The following OSBPL6 variants were observed in gnomAD, a reference collection of about 807,000 sequenced individuals.
OSBPL6 encodes oxysterol binding protein like 6.
A neutral mutation model predicts 125.8 loss-of-function variants in OSBPL6; 49 were observed. The observed-to-expected ratio is 0.39, with a 90% CI of 0.31 to 0.49. The LOEUF is 0.49. Ranked by LOEUF, OSBPL6 falls within the 20% of genes least tolerant of loss-of-function variation. The pLI is 0.88. For synonymous variants in OSBPL6, 394 were observed against 391.8 expected (o/e 1.01, Z -0.07); for missense variants, 986 against 1,135.4 (o/e 0.87, Z 1.89).
At chr2:178,232,714 T>C (rs1262040416) in intron 1 of OSBPL6, among the ~76,000 whole-genome samples, 1 of 141,252 alleles carries the variant, frequency 7.1e-6, no homozygotes, top group Non-Finnish European at 1.5e-5. Context: ...TCACATGCTG[T>C]TTTTTTTTTT....
Position 178,306,052 on chromosome 2 carries a change from T to C in OSBPL6, c.-133T>C. On this transcript the variant is annotated 5_prime_UTR_variant, in exon 3 of 25. Coordinates refer to ENST00000190611, the MANE Select transcript of OSBPL6 (RefSeq NM_032523.4). ...TAGGTGGTTTGGACACCCTCAATAT[T>C]GCCTGCTCTTTTCTAGTCAAACCTG... The C allele has an allele frequency of 1.6e-6, 1 of 622,512 alleles. No individual in the cohort carries two copies. The allele number at this position is 622,512 out of a possible 1,614,324, so 38.6% of individuals were successfully genotyped here.
intron 1 of OSBPL6, among the ~76,000 whole-genome samples, chr2:178,244,960 T>C (rs570226867): frequency 6.6e-6 from 1 of 152,334 alleles, no homozygotes; most frequent in South Asian, 2.1e-4. Flanking sequence ...TTTGATTGAA[T>C]GGTAAGTGAG....
At chr2:178,256,753 G>C (rs2091899161) in intron 1 of OSBPL6, among the ~76,000 whole-genome samples, 1 of 152,078 alleles carries the variant, frequency 6.6e-6, no homozygotes, top group Non-Finnish European at 1.5e-5. Context: ...TTTCTTATAA[G>C]TATGTTTTTG....
chr2:178,257,998 C>T (rs1285686416), intron 1 of OSBPL6, among the ~76,000 whole-genome samples: 2 of 151,838 alleles, frequency 1.3e-5, no homozygotes, highest in Non-Finnish European at 2.9e-5. Flanking sequence ...CCTATGTTGC[C>T]CAAACTGGTC....
At chr2:178,369,139 T>C (rs539846431) in intron 13 of OSBPL6, among the ~76,000 whole-genome samples, 1 of 152,312 alleles carries the variant, frequency 6.6e-6, no homozygotes. Flanking sequence ...TTATCTCTTT[T>C]GCTCCCATGC....
intron 2 of OSBPL6, among the ~76,000 whole-genome samples, chr2:178,285,907 A>G (rs1684658102): frequency 6.6e-6 from 1 of 152,162 alleles, no homozygotes; most frequent in East Asian, 1.9e-4. Context: ...GACATATATG[A>G]TTTGGGAAAG....
intron 1 of OSBPL6, among the ~76,000 whole-genome samples, chr2:178,280,989 T>G (rs1684104957): frequency 6.6e-6 from 1 of 151,478 alleles, no homozygotes; most frequent in Non-Finnish European, 1.5e-5. Flanking sequence ...CAATTTTTGC[T>G]TTTGTTGCAA....
At chr2:178,203,331 A>G (rs575292430) in intron 1 of OSBPL6, among the ~76,000 whole-genome samples, 1 of 152,264 alleles carries the variant, frequency 6.6e-6, no homozygotes, top group South Asian at 2.1e-4. Context: ...GGCTTATACC[A>G]CTGTGCCTGG....
In OSBPL6 at chr2:178,398,587, A is replaced by C. The variant is rs1212937141; in HGVS notation, c.*3028A>C. 2 of 152,218 alleles carry C rather than the reference A, an allele frequency of 1.3e-5. No individual in the cohort carries two copies. The highest frequency in any genetic ancestry group is 2.9e-5 in the Non-Finnish European group (2 of 68,038). 9.4% of individuals were successfully genotyped at this position (152,218 alleles called of 1,614,324 possible). A position where few individuals can be genotyped will look rare whatever the true frequency, so the allele number is the denominator to read the frequency against. On this transcript the variant is annotated 3_prime_UTR_variant, in exon 25 of 25. Coordinates refer to ENST00000190611, the MANE Select transcript of OSBPL6 (RefSeq NM_032523.4). ...ATTGTTTTTCATGGATTATTTTTAA[A>C]ATACCTACCCCATAATTTTCAGGCA... is the stretch of plus-strand genomic sequence containing the variant.
At chr2:178,303,497 G>A (rs771808890) in intron 2 of OSBPL6, among the ~76,000 whole-genome samples, 14 of 151,974 alleles carry the variant, frequency 9.2e-5, no homozygotes, top group Non-Finnish European at 1.8e-4. Context: ...ATAACTATAG[G>A]ACCATATAAA....
At chr2:178,221,976 C>A (rs186883856) in intron 1 of OSBPL6, among the ~76,000 whole-genome samples, 44 of 152,262 alleles carry the variant, frequency 2.9e-4, no homozygotes, top group African/African-American at 8.9e-4. Flanking sequence ...CATCCCATGT[C>A]CTCTGCCACA....
At chr2:178,249,637 A>T (rs1299103119) in intron 1 of OSBPL6, among the ~76,000 whole-genome samples, 1 of 152,062 alleles carries the variant, frequency 6.6e-6, no homozygotes, top group Non-Finnish European at 1.5e-5. Flanking sequence ...TTTGCGTTTA[A>T]GGTACTCTCT....
chr2:178,318,804 T>C (rs1574855324), intron 3 of OSBPL6, among the ~76,000 whole-genome samples: 1 of 152,188 alleles, frequency 6.6e-6, no homozygotes, highest in African/African-American at 2.4e-5. Context: ...GGCTCCCAGG[T>C]GTCAGACACC....
At chr2:178,393,603 C>T (rs897402065) in intron 23 of OSBPL6, among the ~76,000 whole-genome samples, 3 of 152,168 alleles carry the variant, frequency 2.0e-5, no homozygotes, top group African/African-American at 7.2e-5. Context: ...ATTTGACATT[C>T]AAATTTATTA....
At chr2:178,311,008 T>C (rs1223420268) in intron 3 of OSBPL6, among the ~76,000 whole-genome samples, 1 of 152,170 alleles carries the variant, frequency 6.6e-6, no homozygotes, top group Non-Finnish European at 1.5e-5. Context: ...TACAGAGCAG[T>C]TGGAGTAGTA....
chr2:178,353,006 A>G (rs1691428956), intron 12 of OSBPL6, among the ~76,000 whole-genome samples: 1 of 152,236 alleles, frequency 6.6e-6, no homozygotes, highest in Non-Finnish European at 1.5e-5. Context: ...GAAGAACTTG[A>G]CTGTTAGAAG....
intron 8 of OSBPL6, among the ~76,000 whole-genome samples, chr2:178,335,683 T>G (rs1442711300): frequency 6.6e-6 from 1 of 152,258 alleles, no homozygotes; most frequent in African/African-American, 2.4e-5. Context: ...TTTTCACTGT[T>G]TCCTGCAGGC....
At chr2:178,253,514 T>C (rs2091772170) in intron 1 of OSBPL6, among the ~76,000 whole-genome samples, 3 of 152,220 alleles carry the variant, frequency 2.0e-5, no homozygotes, top group African/African-American at 7.2e-5. Flanking sequence ...AATTCAGTGA[T>C]TTAATGGAAT....
At chr2:178,242,665 T>C (rs1180249165) in intron 1 of OSBPL6, among the ~76,000 whole-genome samples, 1 of 152,246 alleles carries the variant, frequency 6.6e-6, no homozygotes, top group Non-Finnish European at 1.5e-5. Context: ...AAGAGTCCCT[T>C]ATAACCTGCA....
Sources: gnomAD v4.1 joint callset for allele counts (sites outside exome capture counted in the v4.1 genomes callset) on GRCh38, gnomAD v4.1.1 for gene constraint, MANE v1.5 for transcripts, NCBI Gene and HGNC (gene_info 2026-07-23, HGNC 2026-07-21) for gene names.